Variants in GRIK4 observed in about 807,000 individuals in gnomAD.
The protein encoded by GRIK4 is glutamate ionotropic receptor kainate type subunit 4, also known as glutamate receptor ionotropic, kainate 4.
A neutral mutation model predicts 104.9 loss-of-function variants in GRIK4; 40 were observed. The ratio of observed to expected loss-of-function variants is 0.38; its 90% CI spans 0.30 to 0.50. The LOEUF is 0.50. Ranked by LOEUF, GRIK4 falls within the 20% of genes least tolerant of loss-of-function variation. GRIK4 has a pLI of 0.93. For synonymous variants in GRIK4, 485 were observed against 524.9 expected (o/e 0.92, Z 1.04); for missense variants, 1,047 against 1,308.1 (o/e 0.80, Z 3.08).
intron 19 of GRIK4, among the ~76,000 whole-genome samples, chr11:120,975,843 C>T (rs541338512): frequency 6.6e-6 from 1 of 152,232 alleles, no homozygotes; most frequent in African/African-American, 2.4e-5. Context: ...CCAGGCACTT[C>T]CACTTGTCAG....
intron 9 of GRIK4, among the ~76,000 whole-genome samples, chr11:120,862,512 G>C (rs1342373775): frequency 6.6e-6 from 1 of 152,212 alleles, no homozygotes. Context: ...AATGGGATGT[G>C]GAGTGGGGAT....
intron 15 of GRIK4, among the ~76,000 whole-genome samples, chr11:120,955,926 C>G (rs1290108487): frequency 1.3e-5 from 2 of 152,048 alleles, no homozygotes; most frequent in African/African-American, 4.8e-5. Flanking sequence ...GTGGCACCAG[C>G]ATCATCTGGA....
At chr11:120,527,180 G>T (rs1947866145) in intron 1 of GRIK4, among the ~76,000 whole-genome samples, 1 of 152,222 alleles carries the variant, frequency 6.6e-6, no homozygotes, top group Non-Finnish European at 1.5e-5. Context: ...GCCTCGGCTT[G>T]CCGGGGCTTT....
At chr11:120,657,584 C>G (rs1949732482) in intron 2 of GRIK4, among the ~76,000 whole-genome samples, 1 of 152,216 alleles carries the variant, frequency 6.6e-6, no homozygotes, top group Admixed American at 6.5e-5. Context: ...GGAGCACATA[C>G]TGATCCCAGG....
intron 3 of GRIK4, among the ~76,000 whole-genome samples, chr11:120,767,261 G>A (rs1951855874): frequency 6.6e-6 from 1 of 152,140 alleles, no homozygotes. Flanking sequence ...ATTGTGAAGT[G>A]AAATCGTGGT....
intron 4 of GRIK4, among the ~76,000 whole-genome samples, chr11:120,814,059 C>A (rs934337830): frequency 6.6e-6 from 1 of 152,184 alleles, no homozygotes; most frequent in Non-Finnish European, 1.5e-5. Flanking sequence ...ATTACACATC[C>A]CATTCCTTTA....
intron 12 of GRIK4, among the ~76,000 whole-genome samples, chr11:120,899,124 A>G (rs191158790): frequency 1.3e-4 from 20 of 152,278 alleles, no homozygotes; most frequent in African/African-American, 4.8e-4. Context: ...TTCTCAATCT[A>G]TAGGGCAAGA....
In GRIK4 at chr11:120,657,601, C is replaced by T. The variant is rs186978873; in HGVS notation, c.-50-2668C>T. ...AGCACATACTGATCCCAGGCCTAGA[C>T]GCATAAAGGCAACAGCAGAGGCAGG... On this transcript the variant is annotated intron_variant, in intron 2 of 20. Coordinates refer to ENST00000527524, the MANE Select transcript of GRIK4 (RefSeq NM_014619.5). Among the ~76,000 whole-genome samples, 119 of 152,326 alleles carry T rather than the reference C, an allele frequency of 7.8e-4. No individual in the cohort carries two copies. The Middle Eastern group carries it at 0.014, about 17-fold the overall frequency.
At chr11:120,774,860 G>A (rs1345572290) in intron 3 of GRIK4, among the ~76,000 whole-genome samples, 1 of 152,194 alleles carries the variant, frequency 6.6e-6, no homozygotes, top group African/African-American at 2.4e-5. Context: ...GAGTGTGAGG[G>A]AGTGTGTGAA....
intron 4 of GRIK4, among the ~76,000 whole-genome samples, chr11:120,808,861 C>CT (rs1331174680): frequency 1.3e-5 from 2 of 152,256 alleles, no homozygotes; most frequent in African/African-American, 4.8e-5. Flanking sequence ...GTGAAGGACT[C>CT]TGAGTTCTCC....
chr11:120,786,441 G>A (rs1334306356), intron 3 of GRIK4, among the ~76,000 whole-genome samples: 1 of 152,080 alleles, frequency 6.6e-6, no homozygotes, highest in African/African-American at 2.4e-5. Context: ...CTTTTTCTGG[G>A]TGTTACTCCC....
intron 1 of GRIK4, among the ~76,000 whole-genome samples, chr11:120,575,387 A>G (rs895407532): frequency 1.3e-5 from 2 of 151,970 alleles, no homozygotes; most frequent in African/African-American, 4.8e-5. Context: ...TCTTCATGGA[A>G]CTTGTCTGCG....
chr11:120,767,115 T>C (rs554421345), intron 3 of GRIK4, among the ~76,000 whole-genome samples: 1 of 152,170 alleles, frequency 6.6e-6, no homozygotes, highest in Non-Finnish European at 1.5e-5. Context: ...TATTTCTTGG[T>C]GAACCTCCAT....
intron 1 of GRIK4, among the ~76,000 whole-genome samples, chr11:120,561,552 C>A (rs920896090): frequency 6.6e-6 from 1 of 152,246 alleles, no homozygotes; most frequent in Admixed American, 6.5e-5. Context: ...TGCAGGCATA[C>A]CCCCGCTCCA....
rs1328224997 is a variant in GRIK4, at chr11:120,953,265, G to A, written c.1700+301G>A. Reference sequence around the variant, plus strand: ...AGACCCCCACCTAAGCCCCTTGCTTGTGTAGGAGCCCTGGGAAGAGAGGAG... The same window carrying A: ...AGACCCCCACCTAAGCCCCTTGCTTATGTAGGAGCCCTGGGAAGAGAGGAG... On this transcript the variant is annotated intron_variant, in intron 15 of 20. Coordinates refer to ENST00000527524, the MANE Select transcript of GRIK4 (RefSeq NM_014619.5). This position sits in a 1 kb window ranked among gnomAD's most constrained non-coding sequence, Gnocchi z 4.9. 6.6e-6 allele frequency among the ~76,000 whole-genome samples: 1 copy of A among 152,140 alleles called. No homozygotes were observed. Among genetic ancestry groups the A allele is most frequent in the African/African-American group, 2.4e-5 (1 of 41,432 alleles).
chr11:120,959,593 T>C (rs1031407095), intron 16 of GRIK4, among the ~76,000 whole-genome samples: 1 of 152,232 alleles, frequency 6.6e-6, no homozygotes, highest in African/African-American at 2.4e-5. Context: ...GGGATGTAGA[T>C]CCATACTGTT....
intron 16 of GRIK4, among the ~76,000 whole-genome samples, chr11:120,957,999 A>G (rs189576153): frequency 6.6e-6 from 1 of 152,366 alleles, no homozygotes; most frequent in African/African-American, 2.4e-5. Context: ...ATGGATCACC[A>G]TGGAGAACAG....
At chr11:120,781,557 G>A (rs1214939589) in intron 3 of GRIK4, among the ~76,000 whole-genome samples, 1 of 152,008 alleles carries the variant, frequency 6.6e-6, no homozygotes. Context: ...TCACTATATC[G>A]TCCATGCTGT....
intron 1 of GRIK4, among the ~76,000 whole-genome samples, chr11:120,606,314 C>G (rs1948962025): frequency 6.6e-6 from 1 of 152,208 alleles, no homozygotes; most frequent in African/African-American, 2.4e-5. Flanking sequence ...CTCACTTGAG[C>G]AGCCACCCTG....
Sources: gnomAD v4.1 joint callset for allele counts (sites outside exome capture counted in the v4.1 genomes callset) on GRCh38, gnomAD v4.1.1 for gene constraint, Gnocchi (gnomAD v3.1) non-coding constraint, MANE v1.5 for transcripts, NCBI Gene and HGNC (gene_info 2026-07-23, HGNC 2026-07-21) for gene names.